SLC35F1: variants seen among roughly 807,000 people sequenced by gnomAD.
SLC35F1 encodes solute carrier family 35 member F1, also known as chromosome 6 open reading frame 169.
SLC35F1 carries 14 observed loss-of-function variants against 48.7 expected under a neutral mutation model. That is an observed-to-expected ratio of 0.29 (90% CI 0.19 to 0.45). SLC35F1 has a LOEUF of 0.45. SLC35F1 is among the 20% of genes least tolerant of loss of function. The pLI, the probability that SLC35F1 is intolerant of heterozygous loss-of-function variation, is 1.00. For missense variants in SLC35F1, 404 were observed against 500.0 expected, an observed-to-expected ratio of 0.81 and a Z score of 1.83; for synonymous variants, 190 against 202.2, an observed-to-expected ratio of 0.94 and a Z score of 0.51.
intron 2 of SLC35F1, among the ~76,000 whole-genome samples, chr6:118,200,005 A>T (rs937653150): frequency 6.6e-6 from 1 of 152,164 alleles, no homozygotes; most frequent in Non-Finnish European, 1.5e-5. Context: ...ACTGGGTCAA[A>T]GAGTAGGCAG....
chr6:118,314,019 T>C lies in SLC35F1; in HGVS notation c.1003-9T>C. The C allele has an allele frequency of 6.2e-7, 1 of 1,613,652 alleles. No homozygotes were observed. Among genetic ancestry groups the C allele is most frequent in the Non-Finnish European group, 8.5e-7 (1 of 1,179,526 alleles). ...GCTGTCAAATGACTTTACTGTTGTGTTTTTTTAGTTTTCAGGACTTTATCT... is the reference window on the plus strand; with the variant it reads ...GCTGTCAAATGACTTTACTGTTGTGCTTTTTTAGTTTTCAGGACTTTATCT... On this transcript the variant is annotated splice_polypyrimidine_tract_variant and intron_variant, in intron 7 of 7. Coordinates refer to ENST00000360388, the MANE Select transcript of SLC35F1 (RefSeq NM_001029858.4).
chr6:117,925,571 G>T (rs564265969), intron 1 of SLC35F1, among the ~76,000 whole-genome samples: 1 of 152,272 alleles, frequency 6.6e-6, no homozygotes, highest in African/African-American at 2.4e-5. Context: ...TTTAGTTGGG[G>T]TTTGTTTGAC....
chr6:118,156,667 T>TA lies in SLC35F1; in HGVS notation c.349+2053dup, dbSNP rs201846701. Among the ~76,000 whole-genome samples the TA allele has an allele frequency of 5.1e-3, 168 of 32,792 alleles. 2 individuals carry two copies. In the East Asian group the frequency reaches 0.053, roughly 10 times the overall value. The allele number at this position is 32,792 out of a possible 152,430, so 21.5% of individuals were successfully genotyped here. A position where few individuals can be genotyped will look rare whatever the true frequency, so the allele number is the denominator to read the frequency against. On this transcript the variant is annotated intron_variant, in intron 2 of 7. Transcript: ENST00000360388. ...ATGTACCCTAGAACTGAAAGTATAA[T>TA]AAAAAATAAAATAAAATAAAATAAA...
chr6:118,100,114 G>A (rs1278661939), intron 1 of SLC35F1, among the ~76,000 whole-genome samples: 2 of 152,080 alleles, frequency 1.3e-5, no homozygotes, highest in Non-Finnish European at 2.9e-5. Context: ...TAGAGAGTTT[G>A]AATAACTTGC....
At chr6:117,996,864 T>C (rs1040458266) in intron 1 of SLC35F1, among the ~76,000 whole-genome samples, 8 of 152,030 alleles carry the variant, frequency 5.3e-5, no homozygotes, top group Non-Finnish European at 7.4e-5. Context: ...AAAAGCAGAG[T>C]GCCTCTCCTC....
At chr6:118,027,096 A>G (rs1252776856) in intron 1 of SLC35F1, among the ~76,000 whole-genome samples, 2 of 152,228 alleles carry the variant, frequency 1.3e-5, no homozygotes, top group East Asian at 3.9e-4. Flanking sequence ...TACTTAGCCT[A>G]ATGCTTTGAG....
At chr6:118,113,081 A>AT (rs1554228582) in intron 1 of SLC35F1, among the ~76,000 whole-genome samples, 2 of 152,100 alleles carry the variant, frequency 1.3e-5, no homozygotes, top group Non-Finnish European at 2.9e-5. Flanking sequence ...ATTTAAAAAA[A>AT]TTTTTAATGT....
chr6:118,100,553 C>A (rs887811351), intron 1 of SLC35F1, among the ~76,000 whole-genome samples: 3 of 152,108 alleles, frequency 2.0e-5, no homozygotes, highest in Non-Finnish European at 4.4e-5. Context: ...TTAGAACCAG[C>A]CAAAGGAAGT....
At position 118,312,604 on chromosome 6, in the gene SLC35F1, T is replaced by G. The variant is rs568551374; in HGVS notation, c.1003-1424T>G. Among the ~76,000 whole-genome samples the G allele has an allele frequency of 1.3e-3, 203 of 152,192 alleles. 1 individual carries two copies. The highest frequency in any genetic ancestry group is 4.7e-3 in the African/African-American group (194 of 41,516). On this transcript the variant is annotated intron_variant, in intron 7 of 7. Coordinates refer to ENST00000360388, the MANE Select transcript of SLC35F1 (RefSeq NM_001029858.4). ...AGGAATTGAGGGACAGGGTGTGGAG[T>G]GCTCTAGAAAGAAAATCAGAAAAGC...
At chr6:117,964,275 G>A (rs1776532829) in intron 1 of SLC35F1, among the ~76,000 whole-genome samples, 1 of 152,132 alleles carries the variant, frequency 6.6e-6, no homozygotes, top group Non-Finnish European at 1.5e-5. Context: ...TCTTTGCCCA[G>A]CCTTCACAAC....
chr6:118,273,136 G>A (rs1775878404), intron 4 of SLC35F1, among the ~76,000 whole-genome samples: 1 of 152,072 alleles, frequency 6.6e-6, no homozygotes, highest in Non-Finnish European at 1.5e-5. Context: ...ACAAAATTGT[G>A]TTGTGATGAT....
rs149879230 is a variant in SLC35F1 at position 118,039,799 on chromosome 6, G to GTTTTTTTTTTTT, written c.174-114638_174-114637insTTTTTTTTTTTT. Among the ~76,000 whole-genome samples the GTTTTTTTTTTTT allele has an allele frequency of 1.8e-3, 192 of 106,776 alleles. 39 individuals are homozygous for GTTTTTTTTTTTT. The highest frequency in any genetic ancestry group is 2.3e-3 in the Non-Finnish European group (115 of 50,974). The allele number at this position is 106,776 out of a possible 152,430, so 70.0% of individuals were successfully genotyped here. ...TTTAACATCTAAGCATCTCAGGATT[G>GTTTTTTTTTTTT]TTTTTTTTGTTTTTTTTTTTTGCTT... On this transcript the variant is annotated intron_variant, in intron 1 of 7. Coordinates refer to ENST00000360388, the MANE Select transcript of SLC35F1 (RefSeq NM_001029858.4).
At chr6:118,228,708 C>A (rs1490641432) in intron 2 of SLC35F1, among the ~76,000 whole-genome samples, 1 of 151,992 alleles carries the variant, frequency 6.6e-6, no homozygotes, top group Non-Finnish European at 1.5e-5. Flanking sequence ...ACAAAACACA[C>A]AAAAAATACT....
chr6:118,294,821 A>T (rs1250731689), intron 7 of SLC35F1, among the ~76,000 whole-genome samples: 1 of 142,868 alleles, frequency 7.0e-6, no homozygotes, highest in African/African-American at 2.6e-5. Flanking sequence ...AATAATTACT[A>T]AAAAAAAAAA....
intron 1 of SLC35F1, among the ~76,000 whole-genome samples, chr6:117,954,182 G>C (rs1294508984): frequency 6.6e-6 from 1 of 152,210 alleles, no homozygotes; most frequent in Non-Finnish European, 1.5e-5. Context: ...TGCAGTGAGA[G>C]AGCCAGTTGA....
chr6:117,931,055 A>G (rs552250391), intron 1 of SLC35F1, among the ~76,000 whole-genome samples: 1 of 152,230 alleles, frequency 6.6e-6, no homozygotes, highest in South Asian at 2.1e-4. Flanking sequence ...TTGAGAATAT[A>G]TTGTAAGCAC....
At chr6:118,251,627 C>A (rs1775576742) in intron 3 of SLC35F1, among the ~76,000 whole-genome samples, 1 of 151,926 alleles carries the variant, frequency 6.6e-6, no homozygotes, top group South Asian at 2.1e-4. Context: ...TAGCAAGATC[C>A]CTTGCATGAT....
intron 3 of SLC35F1, among the ~76,000 whole-genome samples, chr6:118,238,426 A>AAATAAT (rs67710305): frequency 0.29 from 41,577 of 144,202 alleles, 6,354 homozygotes; most frequent in East Asian, 0.53. Flanking sequence ...CCCATCTCTA[A>AAATAAT]AATAATAATA....
chr6:117,967,670 A>T (rs1776588010), intron 1 of SLC35F1, among the ~76,000 whole-genome samples: 1 of 152,222 alleles, frequency 6.6e-6, no homozygotes, highest in South Asian at 2.1e-4. Context: ...TGAAATAAAT[A>T]AGCCATTGAG....
Sources: gnomAD v4.1 joint callset for allele counts (sites outside exome capture counted in the v4.1 genomes callset) on GRCh38, gnomAD v4.1.1 for gene constraint, MANE v1.5 for transcripts, NCBI Gene and HGNC (gene_info 2026-07-23, HGNC 2026-07-21) for gene names.